The following TRIM46 variants were observed in gnomAD, a reference collection of about 807,000 sequenced individuals.
TRIM46 encodes the protein tripartite motif containing 46, also known as tripartite motif-containing protein 46.
A neutral mutation model predicts 69.7 loss-of-function variants in TRIM46; 17 were observed. That is an observed-to-expected ratio of 0.24 (90% CI 0.17 to 0.37). TRIM46 has a LOEUF of 0.37. Among genes scored for constraint, TRIM46 ranks in the 10% least tolerant of loss-of-function variants. The probability of loss-of-function intolerance (pLI) is 1.00; values close to 1 mark genes in which losing one functional copy is unlikely to be tolerated. For synonymous variants in TRIM46, 391 were observed against 429.0 expected (o/e 0.91, Z 1.09); for missense variants, 675 against 1,025.1 (o/e 0.66, Z 4.66).
chr1:155,179,660 G>A lies in TRIM46; in HGVS notation c.1314G>A (p.Gln438=). 6.2e-7 allele frequency: 1 copy of A among 1,609,916 alleles called. No homozygotes were observed. The highest frequency in any genetic ancestry group is 8.5e-7 in the Non-Finnish European group (1 of 1,177,572). ...CTGAGGCCCCCGTCATTGACACCCA[G>A]CGCACCTTTGCCTATGATCAGATCT... is the stretch of plus-strand genomic sequence containing the variant. ...RVPEAPVIDT[Q]RTFAYDQIFL... The change falls in exon 8 of 10, where the codon CAG becomes CAA. Residue 438 remains glutamine (Q), a synonymous_variant. Coordinates refer to ENST00000334634, the MANE Select transcript of TRIM46 (RefSeq NM_025058.5).
At chr1:155,178,864 C>T in intron 7 of TRIM46, 2 of 1,426,390 alleles carry the variant, frequency 1.4e-6, no homozygotes, top group Non-Finnish European at 1.9e-6. Flanking sequence ...AGCGGCCCTG[C>T]CCCGGGGGCC....
At chr1:155,180,549 C>G (rs982936713) in intron 8 of TRIM46, 3 of 319,202 alleles carry the variant, frequency 9.4e-6, no homozygotes, top group South Asian at 1.1e-4. Context: ...GAGCTGAGAT[C>G]GCGCCACTGG....
chr1:155,180,405 G>T, intron 8 of TRIM46: 1 of 355,488 alleles, frequency 2.8e-6, no homozygotes, highest in Non-Finnish European at 5.1e-6. Flanking sequence ...GACCAGCCTG[G>T]CCAACATGGT....
intron 4 of TRIM46, 38 bp downstream of exon 4, chr1:155,177,113 C>T: frequency 6.2e-7 from 1 of 1,613,314 alleles, no homozygotes; most frequent in South Asian, 1.1e-5. Flanking sequence ...TGCTAACTCA[C>T]ACTCTTACCC....
In TRIM46 at chr1:155,175,871, C is replaced by T. The variant is rs1172378120; in HGVS notation, c.326-17C>T. 6.3e-7 allele frequency: 1 copy of T among 1,582,772 alleles called. No individual in the cohort carries two copies. The highest frequency in any genetic ancestry group is 1.8e-5 in the Admixed American group (1 of 54,400). ...GCTGTAACTCTCATGTCCTCTACCT[C>T]CCTGGTTCACCCACAGGCTTTGGGA... On this transcript the variant is annotated splice_polypyrimidine_tract_variant and intron_variant, in intron 2 of 9. Transcript: ENST00000334634. The surrounding 1 kb of genome is among the most constrained non-coding windows in gnomAD (Gnocchi z 4.2).
At chr1:155,174,374 C>T (rs1665435204) in intron 1 of TRIM46, 2 of 360,014 alleles carry the variant, frequency 5.6e-6, no homozygotes, top group African/African-American at 4.4e-5. Context: ...TGGATATTTT[C>T]CAAGAAAACT....
At position 155,184,418 on chromosome 1, in the gene TRIM46, C is replaced by T; in HGVS notation, c.*228C>T. The stretch of plus-strand genomic sequence containing the variant: ...TCTCTCCATTGCTTGTTAGCCAGGC[C>T]CCCACCCCCACTGAGTCTGCCCTAT... On this transcript the variant is annotated 3_prime_UTR_variant, in exon 10 of 10. Coordinates refer to ENST00000334634, the MANE Select transcript of TRIM46 (RefSeq NM_025058.5). This position sits in a 1 kb window ranked among gnomAD's most constrained non-coding sequence, Gnocchi z 5.6. The T allele has an allele frequency of 1.8e-6, 1 of 560,290 alleles. No individual in the cohort carries two copies. Among genetic ancestry groups the T allele is most frequent in the Admixed American group, 3.5e-5 (1 of 28,618 alleles). 34.7% of individuals were successfully genotyped at this position (560,290 alleles called of 1,614,324 possible). A position where few individuals can be genotyped will look rare whatever the true frequency, so the allele number is the denominator to read the frequency against.
rs375456413 is a variant in TRIM46, at chr1:155,184,322, G to A, written c.*132G>A. 3.8e-5 allele frequency: 38 copies of A among 1,006,364 alleles called. No homozygotes were observed. The highest frequency in any genetic ancestry group is 2.4e-4 in the East Asian group (9 of 38,074). 62.3% of individuals were successfully genotyped at this position (1,006,364 alleles called of 1,614,324 possible). A position where few individuals can be genotyped will look rare whatever the true frequency, so the allele number is the denominator to read the frequency against. ...ACCATGTGGCCCTGCTCCTTCTCCC[G>A]TGTCTGTCTTCCCACAGTTTTCTCT... On this transcript the variant is annotated 3_prime_UTR_variant, in exon 10 of 10. Transcript: ENST00000334634. The surrounding 1 kb of genome is among the most constrained non-coding windows in gnomAD (Gnocchi z 5.6).
In TRIM46 at chr1:155,173,855, ACACCT is replaced by A; in HGVS notation, c.-109_-105del. The A allele has an allele frequency of 9.1e-7, 1 of 1,097,892 alleles. No individual in the cohort carries two copies. Among genetic ancestry groups the A allele is most frequent in the South Asian group, 1.4e-5 (1 of 73,078 alleles). The allele number at this position is 1,097,892 out of a possible 1,614,324, so 68.0% of individuals were successfully genotyped here. ...GCTGGTCCCGGGAGCATGCGCAGTGACACCTCAACCCCCAGCCCTCCTCACACCCC... is the reference window on the plus strand; with the variant it reads ...GCTGGTCCCGGGAGCATGCGCAGTGACAACCCCCAGCCCTCCTCACACCCC... On this transcript the variant is annotated 5_prime_UTR_variant, in exon 1 of 10. Transcript: ENST00000334634.
rs1018244620 is a variant in TRIM46 at position 155,179,858 on chromosome 1, G to A, written c.1512G>A (p.Leu504=). 6.2e-7 allele frequency: 1 copy of A among 1,611,032 alleles called. No individual in the cohort carries two copies. Among genetic ancestry groups the A allele is most frequent in the South Asian group, 1.1e-5 (1 of 90,938 alleles). ...CCGACACGGGCTCTGTGTATGTGCT[G>A]CGTGTCCGCGGCTGCAACAAGGCCG... ...ENPDTGSVYV[L]RVRGCNKAGY... Residue 504 remains leucine, a synonymous_variant, in exon 8 of 10, where the codon CTG becomes CTA. Coordinates refer to ENST00000334634, the MANE Select transcript of TRIM46 (RefSeq NM_025058.5).
In TRIM46 at chr1:155,184,273, G is replaced by A. The variant is rs1044212737; in HGVS notation, c.*83G>A. On this transcript the variant is annotated 3_prime_UTR_variant, in exon 10 of 10. Coordinates refer to ENST00000334634, the MANE Select transcript of TRIM46 (RefSeq NM_025058.5). This position sits in a 1 kb window ranked among gnomAD's most constrained non-coding sequence, Gnocchi z 5.6. ...CTTGGCACCCGGTTGTTACCCCCTG[G>A]CAGCTTCTCCCCCAAACTCTCCTAC... 1.4e-6 allele frequency: 2 copies of A among 1,401,932 alleles called. No individual in the cohort carries two copies. The highest frequency in any genetic ancestry group is 2.8e-5 in the Admixed American group (1 of 35,982). The allele number at this position is 1,401,932 out of a possible 1,614,324, so 86.8% of individuals were successfully genotyped here.
chr1:155,176,382 A>G, intron 3 of TRIM46, 151 bp downstream of exon 3: 1 of 773,726 alleles, frequency 1.3e-6, no homozygotes. Context: ...GTCACTGGAC[A>G]AATCATTCAA....
intron 8 of TRIM46, among the ~76,000 whole-genome samples, chr1:155,180,206 C>A (rs534404621): frequency 1.2e-4 from 18 of 152,330 alleles, no homozygotes; most frequent in African/African-American, 4.1e-4. Context: ...GCGGCTCATG[C>A]CTGTAATCCT....
rs1426758134 is a variant in TRIM46, at chr1:155,181,851, G to T, written c.1589-1G>T. 3 of 1,609,476 alleles carry T rather than the reference G, an allele frequency of 1.9e-6. No individual in the cohort carries two copies. The highest frequency in any genetic ancestry group is 2.5e-6 in the Non-Finnish European group (3 of 1,176,702). ...CATCTCAACCCTCTCCCTCCTTCCA[G>T]TCCTGCACTTCTTCCTCGATAGCCG... is the stretch of plus-strand genomic sequence containing the variant. On this transcript the variant is annotated splice_acceptor_variant, in intron 8 of 9. Transcript: ENST00000334634. LOFTEE classifies it high-confidence loss of function. The surrounding 1 kb of genome is among the most constrained non-coding windows in gnomAD (Gnocchi z 4.3).
At chr1:155,180,864 C>T (rs964692476) in intron 8 of TRIM46, among the ~76,000 whole-genome samples, 20 of 150,708 alleles carry the variant, frequency 1.3e-4, no homozygotes, top group Non-Finnish European at 2.7e-4. Flanking sequence ...GAGCCGAGAT[C>T]GCGCCATTGC....
intron 1 of TRIM46, chr1:155,174,763 A>G: frequency 6.9e-7 from 1 of 1,458,704 alleles, no homozygotes; most frequent in Non-Finnish European, 9.0e-7. Context: ...TAGTTCGGAG[A>G]AGGGGGTGCC....
intron 7 of TRIM46, 119 bp downstream of exon 7, chr1:155,178,732 C>A (rs1665893560): frequency 6.9e-7 from 1 of 1,442,360 alleles, no homozygotes; most frequent in Non-Finnish European, 9.4e-7. Flanking sequence ...GCCTGGCCAG[C>A]CATTCCTCCC....
In TRIM46 at chr1:155,179,635, C is replaced by A; in HGVS notation, c.1289C>A (p.Pro430His). The change falls in exon 8 of 10, where the codon CCT becomes CAT. Residue 430 changes from proline (P) to histidine (H), a missense_variant. Physicochemically the swap from Pro to His is moderately conservative, Grantham distance 77. Coordinates refer to ENST00000334634, the MANE Select transcript of TRIM46 (RefSeq NM_025058.5). ...CACCCGCTGTCTCTTCCAACAGTGC[C>A]TGAGGCCCCCGTCATTGACACCCAG... ...LLTELNFLRV[P>H]EAPVIDTQRT... 1 of 1,593,592 alleles carries A rather than the reference C, an allele frequency of 6.3e-7. No individual in the cohort carries two copies.
chr1:155,181,938 C>G lies in TRIM46; in HGVS notation c.1675C>G (p.Pro559Ala). 6.2e-7 allele frequency: 1 copy of G among 1,614,060 alleles called. No individual in the cohort carries two copies. ...GGACCAGCGAGCAGTACGGAGTGTT[C>G]CAGGGCTGCCCCTGCTGCTGGCTGC... ...SKDQRAVRSV[P>A]GLPLLLAADR... The change falls in exon 9 of 10, where the codon CCA becomes GCA. Residue 559 changes from proline to alanine, a missense_variant. Pro to Ala is a conservative substitution (Grantham distance 27). This residue lies in a region of TRIM46 where 361 missense variants were observed against 498.3 expected (regional missense o/e 0.72). Transcript: ENST00000334634. The surrounding 1 kb of genome is among the most constrained non-coding windows in gnomAD (Gnocchi z 4.3).
Sources: gnomAD v4.1 joint callset for allele counts (sites outside exome capture counted in the v4.1 genomes callset) on GRCh38, gnomAD v4.1.1 for gene constraint, gnomAD v4.1.1 regional missense constraint, Gnocchi (gnomAD v3.1) non-coding constraint, MANE v1.5 for transcripts, NCBI Gene and HGNC (gene_info 2026-07-23, HGNC 2026-07-21) for gene names.